The following AUTS2 variants were observed in gnomAD, a reference collection of about 807,000 sequenced individuals.
AUTS2 encodes activator of transcription and developmental regulator AUTS2, also known as autism susceptibility gene 2 protein.
A neutral mutation model predicts 112.4 loss-of-function variants in AUTS2; 17 were observed. The ratio of observed to expected loss-of-function variants is 0.15; its 90% confidence interval spans 0.10 to 0.23. The LOEUF is 0.23. AUTS2 is among the 10% of genes least tolerant of loss of function. The pLI is 1.00. For synonymous variants in AUTS2, 751 were observed against 702.7 expected (o/e 1.07, Z -1.09); for missense variants, 1,510 against 1,701.6 (o/e 0.89, Z 1.98).
chr7:70,132,254 G>C (rs1402196478), intron 3 of AUTS2, among the ~76,000 whole-genome samples: 1 of 151,358 alleles, frequency 6.6e-6, no homozygotes, highest in African/African-American at 2.4e-5. Flanking sequence ...TCTAGCAAAT[G>C]CTGAAACAAA....
At chr7:69,851,163 T>C (rs1305718972) in intron 1 of AUTS2, among the ~76,000 whole-genome samples, 1 of 152,204 alleles carries the variant, frequency 6.6e-6, no homozygotes, top group Admixed American at 6.5e-5. Context: ...CATAGTTTTG[T>C]GGGACTGTTT....
intron 6 of AUTS2, among the ~76,000 whole-genome samples, chr7:70,710,224 G>T (rs1809974495): frequency 6.6e-6 from 1 of 150,668 alleles, no homozygotes; most frequent in African/African-American, 2.5e-5. Flanking sequence ...GATTGCTGCA[G>T]GTTAGATGAG....
intron 2 of AUTS2, among the ~76,000 whole-genome samples, chr7:70,088,861 T>C (rs901637939): frequency 2.6e-5 from 4 of 152,162 alleles, no homozygotes; most frequent in Non-Finnish European, 5.9e-5. Context: ...CCCATCTTGC[T>C]TTCTAATACA....
At chr7:70,646,731 G>T (rs1043385913) in intron 5 of AUTS2, among the ~76,000 whole-genome samples, 1 of 152,254 alleles carries the variant, frequency 6.6e-6, no homozygotes, top group Non-Finnish European at 1.5e-5. Context: ...CCGATGCAGT[G>T]CCAGGAGATC....
At chr7:70,409,690 C>A (rs1488983733) in intron 4 of AUTS2, among the ~76,000 whole-genome samples, 3 of 152,166 alleles carry the variant, frequency 2.0e-5, no homozygotes, top group Non-Finnish European at 4.4e-5. Flanking sequence ...GCCTTTCATT[C>A]TGAGCTGAGA....
intron 5 of AUTS2, among the ~76,000 whole-genome samples, chr7:70,459,338 C>T (rs891319060): frequency 1.2e-4 from 18 of 152,236 alleles, no homozygotes; most frequent in East Asian, 5.8e-4. Flanking sequence ...CTGGAATAAG[C>T]GCCCAGGAGA....
intron 2 of AUTS2, among the ~76,000 whole-genome samples, chr7:70,020,710 G>T (rs1195697468): frequency 1.3e-5 from 2 of 149,608 alleles, no homozygotes; most frequent in African/African-American, 4.9e-5. Flanking sequence ...TTTTCTTTTT[G>T]AGGTAGGGCC....
intron 3 of AUTS2, among the ~76,000 whole-genome samples, chr7:70,121,825 T>C (rs1432517475): frequency 6.6e-6 from 1 of 152,174 alleles, no homozygotes; most frequent in Non-Finnish European, 1.5e-5. Flanking sequence ...AATTTCACTT[T>C]TAGGTATATA....
At chr7:70,419,134 C>T (rs554036403) in intron 4 of AUTS2, among the ~76,000 whole-genome samples, 165 of 152,154 alleles carry the variant, frequency 1.1e-3, no homozygotes, top group Non-Finnish European at 1.9e-3. Context: ...TTTGCACCAA[C>T]CTAATATGAT....
intron 1 of AUTS2, among the ~76,000 whole-genome samples, 155 bp from the exon 2 acceptor site, chr7:69,899,131 A>G (rs1179519679): frequency 2.0e-5 from 3 of 152,168 alleles, no homozygotes; most frequent in African/African-American, 7.2e-5. Context: ...AAAATTGAGA[A>G]GCCATGTTTC....
chr7:70,344,704 G>C (rs927489041), intron 4 of AUTS2, among the ~76,000 whole-genome samples: 22 of 152,144 alleles, frequency 1.4e-4, no homozygotes, highest in Non-Finnish European at 8.8e-5. Context: ...ATGACATTTG[G>C]CTAGCAGTAT....
At chr7:70,542,314 C>T (rs760151474) in intron 5 of AUTS2, among the ~76,000 whole-genome samples, 1 of 152,184 alleles carries the variant, frequency 6.6e-6, no homozygotes, top group Non-Finnish European at 1.5e-5. Context: ...CATTGGTTAA[C>T]GTAGTAGGTT....
intron 1 of AUTS2, among the ~76,000 whole-genome samples, chr7:69,685,485 A>G (rs1308479091): frequency 2.0e-5 from 3 of 152,176 alleles, no homozygotes; most frequent in Non-Finnish European, 4.4e-5. Context: ...GCCACCATCT[A>G]GTCTTAGACA....
intron 2 of AUTS2, among the ~76,000 whole-genome samples, chr7:70,096,147 G>T (rs1390618014): frequency 1.3e-5 from 2 of 152,050 alleles, no homozygotes; most frequent in African/African-American, 4.8e-5. Context: ...GTTCACACGG[G>T]GTTGTAAAGA....
In AUTS2 at chr7:70,670,224, T is replaced by G. The variant is rs1807564889; in HGVS notation, c.691-28345T>G. On this transcript the variant is annotated intron_variant, in intron 5 of 18. Transcript: ENST00000342771. The stretch of plus-strand genomic sequence containing the variant: ...TATGGTATTTTTAATTGAACCCTGT[T>G]TTAATTGCCTTTTCTGCACACCAAG... 2.0e-5 allele frequency among the ~76,000 whole-genome samples: 3 copies of G among 152,228 alleles called. No individual in the cohort carries two copies. In the South Asian group the frequency reaches 6.2e-4, roughly 32 times the overall value.
intron 1 of AUTS2, among the ~76,000 whole-genome samples, chr7:69,617,041 A>T (rs563631785): frequency 4.2e-4 from 64 of 152,304 alleles, no homozygotes; most frequent in African/African-American, 1.4e-3. Context: ...CTAACAAAGG[A>T]TGGGGGGACA....
At chr7:70,450,499 A>G (rs1159318760) in intron 5 of AUTS2, among the ~76,000 whole-genome samples, 1 of 152,222 alleles carries the variant, frequency 6.6e-6, no homozygotes, top group Non-Finnish European at 1.5e-5. Context: ...TGTGGAGAGA[A>G]GCATGAAAAC....
chr7:70,597,567 TTA>T (rs752133260), intron 5 of AUTS2, among the ~76,000 whole-genome samples: 6 of 152,216 alleles, frequency 3.9e-5, no homozygotes, highest in Admixed American at 3.9e-4. Context: ...TAATCTGTAA[TTA>T]TAAAGATGTT....
At chr7:69,957,873 A>G (rs562803270) in intron 2 of AUTS2, among the ~76,000 whole-genome samples, 2 of 152,270 alleles carry the variant, frequency 1.3e-5, no homozygotes, top group South Asian at 2.1e-4. Flanking sequence ...TAGCAGCTCT[A>G]CACTAGGGCA....
Sources: gnomAD v4.1 joint callset for allele counts (sites outside exome capture counted in the v4.1 genomes callset) on GRCh38, gnomAD v4.1.1 for gene constraint, MANE v1.5 for transcripts, NCBI Gene and HGNC (gene_info 2026-07-23, HGNC 2026-07-21) for gene names.